The following TENM3 variants were observed in gnomAD, a reference collection of about 807,000 sequenced individuals.
TENM3 encodes teneurin transmembrane protein 3, also known as teneurin-3.
TENM3 carries 63 observed loss-of-function variants against 255.1 expected under a neutral mutation model. That is an observed-to-expected ratio of 0.25 (90% CI 0.20 to 0.30). The LOEUF is 0.30. Ranked by LOEUF, TENM3 falls within the 10% of genes least tolerant of loss-of-function variation. The pLI is 1.00. For synonymous variants in TENM3, 1,306 were observed against 1,322.3 expected (o/e 0.99, Z 0.27); for missense variants, 2,929 against 3,461.1 (o/e 0.85, Z 3.86).
At chr4:182,244,151 C>T (rs1387076078) in intron 1 of TENM3, among the ~76,000 whole-genome samples, 14 of 149,870 alleles carry the variant, frequency 9.3e-5, no homozygotes, top group East Asian at 4.0e-4. Context: ...GACGGGGTTT[C>T]ACCATTTTAG....
chr4:182,657,007 A>T (rs76390396), intron 6 of TENM3, among the ~76,000 whole-genome samples: 10,792 of 152,244 alleles, frequency 0.071, 596 homozygotes, highest in East Asian at 0.24. Context: ...GGTAAGAATG[A>T]AGTTTGTAGC....
chr4:182,487,424 ATAGAG>A (rs753925615), intron 3 of TENM3, among the ~76,000 whole-genome samples: 7 of 152,166 alleles, frequency 4.6e-5, no homozygotes, highest in Non-Finnish European at 8.8e-5. Context: ...AAAAAGAATA[ATAGAG>A]TAATTTCATT....
intron 3 of TENM3, among the ~76,000 whole-genome samples, chr4:182,437,525 G>A (rs1296931244): frequency 2.6e-5 from 4 of 151,960 alleles, no homozygotes; most frequent in African/African-American, 4.8e-5. Context: ...GGCTGGGTGC[G>A]GTGGCTCATG....
the TENM3 span, among the ~76,000 whole-genome samples, chr4:181,573,697 C>G: frequency 0.011 from 1,693 of 152,238 alleles, 13 homozygotes; most frequent in Middle Eastern, 0.024. Flanking sequence ...AATTTGAACC[C>G]AAACAATAAC....
intron 11 of TENM3, among the ~76,000 whole-genome samples, chr4:182,685,683 C>G (rs1756516696): frequency 6.6e-6 from 1 of 151,996 alleles, no homozygotes; most frequent in South Asian, 2.1e-4. Flanking sequence ...GTCTCTTAGG[C>G]CTCCATCAGT....
intron 3 of TENM3, among the ~76,000 whole-genome samples, chr4:182,567,195 A>G (rs1211674220): frequency 6.6e-6 from 1 of 152,098 alleles, no homozygotes; most frequent in African/African-American, 2.4e-5. Context: ...AACATAGAAG[A>G]TTTTTAGTCC....
intron 3 of TENM3, among the ~76,000 whole-genome samples, chr4:182,568,750 G>A (rs1744049653): frequency 6.6e-6 from 1 of 152,168 alleles, no homozygotes; most frequent in African/African-American, 2.4e-5. Flanking sequence ...CCATCAGTAG[G>A]AGAAGGGATT....
At chr4:181,509,339 G>A in the TENM3 span, among the ~76,000 whole-genome samples, 1 of 152,054 alleles carries the variant, frequency 6.6e-6, no homozygotes, top group African/African-American at 2.4e-5. Context: ...TGTTTTCTTG[G>A]ATAGAGTTTA....
At chr4:181,735,252 C>T in the TENM3 span, among the ~76,000 whole-genome samples, 1 of 151,848 alleles carries the variant, frequency 6.6e-6, no homozygotes, top group Non-Finnish European at 1.5e-5. Flanking sequence ...AATTATGTTC[C>T]CCCATTGTTT....
At chr4:182,709,019 G>A (rs1434872904) in intron 12 of TENM3, among the ~76,000 whole-genome samples, 1 of 151,860 alleles carries the variant, frequency 6.6e-6, no homozygotes, top group South Asian at 2.1e-4. Flanking sequence ...GTCTCACTTT[G>A]TTTCCCAGGC....
chr4:182,271,976 G>A (rs1021108074), intron 1 of TENM3, among the ~76,000 whole-genome samples: 2 of 152,168 alleles, frequency 1.3e-5, no homozygotes, highest in Non-Finnish European at 2.9e-5. Flanking sequence ...CAGTCCTCGT[G>A]ACCGTTCGGC....
the TENM3 span, among the ~76,000 whole-genome samples, chr4:181,493,427 T>C: frequency 1.3e-4 from 20 of 151,776 alleles, no homozygotes; most frequent in East Asian, 3.7e-3. Context: ...TGGAGAGGAG[T>C]GGTTTAAGGT....
At chr4:181,705,233 T>G in the TENM3 span, among the ~76,000 whole-genome samples, 1 of 152,102 alleles carries the variant, frequency 6.6e-6, no homozygotes, top group African/African-American at 2.4e-5. Flanking sequence ...GTGAAATATC[T>G]CCTGAAACCG....
At chr4:181,789,265 TA>T in the TENM3 span, among the ~76,000 whole-genome samples, 1 of 151,494 alleles carries the variant, frequency 6.6e-6, no homozygotes, top group African/African-American at 2.4e-5. Flanking sequence ...TTATTTATTT[TA>T]TTTTTTTGAG....
intron 12 of TENM3, among the ~76,000 whole-genome samples, chr4:182,689,699 G>A (rs919697009): frequency 1.3e-5 from 2 of 152,180 alleles, no homozygotes; most frequent in Non-Finnish European, 1.5e-5. Flanking sequence ...GAAACGAATC[G>A]ACATATTTGC....
chr4:182,632,720 C>T (rs1751490001), intron 5 of TENM3, among the ~76,000 whole-genome samples: 1 of 152,142 alleles, frequency 6.6e-6, no homozygotes, highest in African/African-American at 2.4e-5. Flanking sequence ...ATTTCATTCA[C>T]AAGTTTTAAA....
chr4:181,984,280 ATG>A, the TENM3 span, among the ~76,000 whole-genome samples: 1 of 152,098 alleles, frequency 6.6e-6, no homozygotes, highest in Non-Finnish European at 1.5e-5. Flanking sequence ...AAATAAATAA[ATG>A]TATGCACCAA....
chr4:181,768,582 T>A, the TENM3 span, among the ~76,000 whole-genome samples: 14 of 152,040 alleles, frequency 9.2e-5, no homozygotes, highest in Non-Finnish European at 1.9e-4. Flanking sequence ...ATCACAGAGT[T>A]TTAGTTTTTT....
At chr4:181,491,253 T>G in the TENM3 span, among the ~76,000 whole-genome samples, 2 of 152,074 alleles carry the variant, frequency 1.3e-5, no homozygotes, top group Admixed American at 6.6e-5. Context: ...TTTTCTTGGT[T>G]GGTTTTAGGC....
Sources: allele counts gnomAD v4.1 joint callset (sites outside exome capture counted in the v4.1 genomes callset), GRCh38; gene constraint gnomAD v4.1.1; transcripts MANE v1.5; gene names NCBI Gene and HGNC (gene_info 2026-07-23, HGNC 2026-07-21).